The following EFNB1 variants were observed in gnomAD, a reference collection of about 807,000 sequenced individuals.
EFNB1 encodes ephrin-B1.
EFNB1 carries 1 observed loss-of-function variant against 18.1 expected under a neutral mutation model. The ratio of observed to expected loss-of-function variants is 0.06; its 90% confidence interval spans 0.02 to 0.26. The LOEUF is 0.26. Ranked by LOEUF, EFNB1 falls within the 10% of genes least tolerant of loss-of-function variation. EFNB1 has a pLI of 1.00. For missense variants in EFNB1, 221 were observed against 301.8 expected (o/e 0.73, Z 1.98); for synonymous variants, 131 against 127.5 (o/e 1.03, Z -0.19).
chrX:68,839,133 G>A (rs1338741885), intron 2 of EFNB1, among the ~76,000 whole-genome samples: 2 of 112,295 alleles, frequency 1.8e-5, no homozygotes, highest in Non-Finnish European at 3.8e-5. Context: ...TCCAATTCGT[G>A]TTGCTTCTCT....
At chrX:68,829,976 T>G (rs2080440237) in intron 1 of EFNB1, 72 bp downstream of exon 1, 2 of 1,140,401 alleles carry the variant, frequency 1.8e-6, no homozygotes, top group Admixed American at 2.6e-5. Flanking sequence ...CGCCCCGGAG[T>G]GCATGTGGGG....
chrX:68,839,602 G>C (rs1315569633), intron 2 of EFNB1, 62 bp from the exon 3 acceptor site: 4 of 1,084,775 alleles, frequency 3.7e-6, no homozygotes, highest in Non-Finnish European at 5.1e-6. Flanking sequence ...GAGTTTCTGG[G>C]TAATGCTAGT....
chrX:68,830,624 C>G (rs1334979463), intron 1 of EFNB1, among the ~76,000 whole-genome samples: 1 of 111,911 alleles, frequency 8.9e-6, no homozygotes, highest in Admixed American at 9.3e-5. Flanking sequence ...CGTCAGGGGT[C>G]CAATGGAGCC....
intron 1 of EFNB1, among the ~76,000 whole-genome samples, chrX:68,830,272 G>A (rs889785880): frequency 1.8e-5 from 2 of 111,963 alleles, no homozygotes; most frequent in African/African-American, 6.5e-5. Flanking sequence ...GATTTTCGCC[G>A]AGAGCCGCTC....
rs778301964 is a variant in EFNB1 at position 68,840,336 on chromosome X, C to G, written c.723C>G (p.Phe241Leu). The change falls in exon 5 of 5, where the codon TTC becomes TTG. Residue 241 changes from phenylalanine to leucine, a missense_variant. Coordinates refer to ENST00000204961, the MANE Select transcript of EFNB1 (RefSeq NM_004429.5). The part of the protein sequence containing the change: ...DGFFNSKVAL[F>L]AAVGAGCVIF... ...TCTTCAACTCCAAGGTGGCATTGTT[C>G]GCGGCTGTCGGTGCCGGTTGCGTCA... is the stretch of plus-strand genomic sequence containing the variant. 1.7e-6 allele frequency: 2 copies of G among 1,211,618 alleles called. No homozygotes were observed. Among genetic ancestry groups the G allele is most frequent in the Admixed American group, 2.2e-5 (1 of 46,032 alleles).
chrX:68,842,064 T>A lies in EFNB1; in HGVS notation c.*1410T>A, dbSNP rs1353602008. The stretch of plus-strand genomic sequence containing the variant: ...AATACTAGTCTTTTTGGAAAAAAAA[T>A]AATGTAAAGATGTTTTGTATAAACT... On this transcript the variant is annotated 3_prime_UTR_variant, in exon 5 of 5. Coordinates refer to ENST00000204961, the MANE Select transcript of EFNB1 (RefSeq NM_004429.5). The A allele has an allele frequency of 8.9e-6, 1 of 112,274 alleles. No individual in the cohort carries two copies. The highest frequency in any genetic ancestry group is 1.9e-5 in the Non-Finnish European group (1 of 53,161). The allele number at this position is 112,274 out of a possible 1,213,427, so 9.3% of individuals were successfully genotyped here.
In EFNB1 at chrX:68,840,841, C is replaced by T. The variant is rs2080476376; in HGVS notation, c.*187C>T. On this transcript the variant is annotated 3_prime_UTR_variant, in exon 5 of 5. Transcript: ENST00000204961. ...CGGAGGGGGGTGCTTGTGCCCCTAA[C>T]CCCCATGCTCTTGTGCCTTCCCCCT... The T allele has an allele frequency of 2.0e-6, 1 of 498,054 alleles. No homozygotes were observed. The highest frequency in any genetic ancestry group is 3.4e-6 in the Non-Finnish European group (1 of 298,118). 41.0% of individuals were successfully genotyped at this position (498,054 alleles called of 1,213,427 possible).
Position 68,840,591 on chromosome X carries a change from C to A in EFNB1, c.978C>A (p.His326Gln), listed in dbSNP as rs372510064. ...HYEKVSGDYG[H>Q]PVYIVQEMPP... ...AGAAGGTGAGTGGGGACTACGGGCA[C>A]CCTGTCTACATCGTCCAAGAGATGC... Residue 326 changes from histidine to glutamine, a missense_variant, in exon 5 of 5, where the codon CAC (histidine) becomes CAA (glutamine). His to Gln is a conservative substitution (Grantham distance 24). Transcript: ENST00000204961. The A allele has an allele frequency of 5.8e-6, 7 of 1,209,698 alleles. No homozygotes were observed. Among genetic ancestry groups the A allele is most frequent in the Non-Finnish European group, 7.8e-6 (7 of 895,029 alleles).
Position 68,839,720 on chromosome X carries a change from A to T in EFNB1, c.463A>T (p.Thr155Ser), listed in dbSNP as rs931712091. Residue 155 changes from threonine to serine, a missense_variant, in exon 3 of 5, where the codon ACA becomes TCA. Physicochemically the swap from Thr to Ser is moderately conservative, Grantham distance 58 (BLOSUM62 1). Transcript: ENST00000204961. Reference protein sequence around the residue: ...LENREGGVCRTRTMKIIMKVG... With the variant: ...LENREGGVCRSRTMKIIMKVG... ...AAACCGGGAGGGCGGTGTGTGCCGC[A>T]CACGCACCATGAAGATCATCATGAA... is the stretch of plus-strand genomic sequence containing the variant. The T allele has an allele frequency of 1.7e-6, 2 of 1,211,316 alleles. No homozygotes were observed. Among genetic ancestry groups the T allele is most frequent in the East Asian group, 5.9e-5 (2 of 33,814 alleles).
intron 1 of EFNB1, 147 bp downstream of exon 1, chrX:68,830,051 C>G: frequency 1.7e-5 from 8 of 461,665 alleles, no homozygotes; most frequent in East Asian, 9.1e-5. Context: ...TTCCTGCGGG[C>G]GGGCGGATGG....
In EFNB1 at chrX:68,829,917, T is replaced by C. The variant is rs989839943; in HGVS notation, c.128+13T>C. 19 of 1,166,281 alleles carry C rather than the reference T, an allele frequency of 1.6e-5. No homozygotes were observed. The highest frequency in any genetic ancestry group is 2.1e-5 in the Non-Finnish European group (18 of 872,721). The stretch of plus-strand genomic sequence containing the variant: ...CCCTCAACCCCAAGTGAGTAACTTA[T>C]CTCCTCTGGACGCTGGGGTGGGAGG... On this transcript the variant is annotated intron_variant, in intron 1 of 4. Coordinates refer to ENST00000204961, the MANE Select transcript of EFNB1 (RefSeq NM_004429.5).
At chrX:68,838,179 G>GCA (rs2080466851) in intron 1 of EFNB1, among the ~76,000 whole-genome samples, 1 of 22,592 alleles carries the variant, frequency 4.4e-5, no homozygotes, top group Non-Finnish European at 9.0e-5. Flanking sequence ...GTGTGCGCGC[G>GCA]CGCGCGCGCA....
chrX:68,839,582 A>G, intron 2 of EFNB1, 82 bp from the exon 3 acceptor site: 2 of 951,556 alleles, frequency 2.1e-6, no homozygotes, highest in South Asian at 4.1e-5. Flanking sequence ...TGTTGGCTGA[A>G]GCAGAATGGG....
At chrX:68,835,466 C>T (rs190413533) in intron 1 of EFNB1, among the ~76,000 whole-genome samples, 17 of 111,369 alleles carry the variant, frequency 1.5e-4, no homozygotes. Flanking sequence ...TGTAGGGTCC[C>T]CCTTTAAAGT....
chrX:68,830,005 C>T, intron 1 of EFNB1, 101 bp downstream of exon 1: 1 of 1,023,409 alleles, frequency 9.8e-7, no homozygotes, highest in Non-Finnish European at 1.3e-6. Context: ...GGAGGAGGAG[C>T]GGCGCCTCAT....
At chrX:68,830,903 C>G (rs1428093496) in intron 1 of EFNB1, among the ~76,000 whole-genome samples, 2 of 112,315 alleles carry the variant, frequency 1.8e-5, no homozygotes, top group Non-Finnish European at 3.8e-5. Context: ...AAACAACACG[C>G]ACACCTTTCA....
In EFNB1 at chrX:68,840,825, G is replaced by GCACAAGCACCCCCC; in HGVS notation, c.*171_*172insCACAAGCACCCCCC. 1.8e-6 allele frequency: 1 copy of GCACAAGCACCCCCC among 566,883 alleles called. No homozygotes were observed. Among genetic ancestry groups the GCACAAGCACCCCCC allele is most frequent in the Non-Finnish European group, 2.8e-6 (1 of 353,276 alleles). 46.7% of individuals were successfully genotyped at this position (566,883 alleles called of 1,213,427 possible). A position where few individuals can be genotyped will look rare whatever the true frequency, so the allele number is the denominator to read the frequency against. ...CCTGCCCCCTGGGCTTCGGAGGGGG[G>GCACAAGCACCCCCC]TGCTTGTGCCCCTAACCCCCATGCT... On this transcript the variant is annotated 3_prime_UTR_variant, in exon 5 of 5. Coordinates refer to ENST00000204961, the MANE Select transcript of EFNB1 (RefSeq NM_004429.5).
chrX:68,840,595 G>C lies in EFNB1; in HGVS notation c.982G>C (p.Val328Leu). The change falls in exon 5 of 5, where the codon GTC becomes CTC. Residue 328 changes from valine (V) to leucine (L), a missense_variant. Physicochemically the swap from Val to Leu is conservative, Grantham distance 32. Coordinates refer to ENST00000204961, the MANE Select transcript of EFNB1 (RefSeq NM_004429.5). ...EKVSGDYGHPVYIVQEMPPQS... is the reference protein window; with the variant it reads ...EKVSGDYGHPLYIVQEMPPQS... ...GGTGAGTGGGGACTACGGGCACCCTGTCTACATCGTCCAAGAGATGCCGCC... is the reference window on the plus strand; with the variant it reads ...GGTGAGTGGGGACTACGGGCACCCTCTCTACATCGTCCAAGAGATGCCGCC... 4.1e-6 allele frequency: 5 copies of C among 1,210,811 alleles called. No individual in the cohort carries two copies. Among genetic ancestry groups the C allele is most frequent in the Non-Finnish European group, 5.6e-6 (5 of 895,135 alleles).
intron 1 of EFNB1, among the ~76,000 whole-genome samples, chrX:68,834,694 C>G (rs2080456121): frequency 8.8e-6 from 1 of 113,022 alleles, no homozygotes; most frequent in Non-Finnish European, 1.9e-5. Flanking sequence ...CTGGGAGGTG[C>G]AGGTGCAGTG....
Sources: allele counts gnomAD v4.1 joint callset (sites outside exome capture counted in the v4.1 genomes callset), GRCh38; gene constraint gnomAD v4.1.1; transcripts MANE v1.5; gene names NCBI Gene and HGNC (gene_info 2026-07-23, HGNC 2026-07-21).